Variants in HIVEP1 observed in about 807,000 individuals in gnomAD.
HIVEP1 encodes the protein zinc finger protein 40.
In HIVEP1, 36 loss-of-function variants were observed where a neutral mutation model predicts 180.0. The observed-to-expected ratio is 0.20, with a 90% CI of 0.15 to 0.26. HIVEP1 has a LOEUF of 0.26. Ranked by LOEUF, HIVEP1 falls within the 10% of genes least tolerant of loss-of-function variation. HIVEP1 has a pLI of 1.00. For synonymous variants in HIVEP1, 1,239 were observed against 1,239.0 expected (o/e 1.00, Z 0.00); for missense variants, 3,143 against 3,268.7 (o/e 0.96, Z 0.94).
chr6:12,128,270 G>A (rs955608855), intron 4 of HIVEP1, among the ~76,000 whole-genome samples: 1 of 152,194 alleles, frequency 6.6e-6, no homozygotes, highest in Non-Finnish European at 1.5e-5. Context: ...GAGAAGGAAA[G>A]GTTGCATCAG....
intron 2 of HIVEP1, among the ~76,000 whole-genome samples, chr6:12,028,801 C>T (rs1475558210): frequency 2.0e-5 from 3 of 152,216 alleles, no homozygotes; most frequent in Non-Finnish European, 4.4e-5. Flanking sequence ...ACCTTTACCA[C>T]AGTCCAGTTT....
chr6:12,142,426 A>C (rs568663468), intron 7 of HIVEP1, among the ~76,000 whole-genome samples: 2 of 152,342 alleles, frequency 1.3e-5, no homozygotes, highest in African/African-American at 4.8e-5. Context: ...CCCACAAGAG[A>C]AAGCAGGAAA....
downstream of HIVEP1, among the ~76,000 whole-genome samples, chr6:12,165,344 T>G (rs1760672988): frequency 6.6e-6 from 1 of 152,182 alleles, no homozygotes. Context: ...CCATTGTCCT[T>G]AGAATTTGGC....
chr6:12,188,802 A>G, the HIVEP1 span, among the ~76,000 whole-genome samples: 17 of 152,054 alleles, frequency 1.1e-4, no homozygotes, highest in Non-Finnish European at 1.9e-4. Flanking sequence ...TGTGATCTCA[A>G]TAAAAATACC....
intron 3 of HIVEP1, among the ~76,000 whole-genome samples, chr6:12,103,556 A>AT (rs1774234886): frequency 6.6e-6 from 1 of 151,266 alleles, no homozygotes; most frequent in Non-Finnish European, 1.5e-5. Context: ...ACACATGGAG[A>AT]CTTACTATTT....
chr6:12,064,897 G>T (rs1017877711), intron 2 of HIVEP1, among the ~76,000 whole-genome samples: 3 of 152,156 alleles, frequency 2.0e-5, no homozygotes, highest in Non-Finnish European at 4.4e-5. Flanking sequence ...TTTTCAGTAT[G>T]TTCTTTCCCT....
At chr6:12,205,000 C>G in the HIVEP1 span, among the ~76,000 whole-genome samples, 6 of 152,112 alleles carry the variant, frequency 3.9e-5, no homozygotes, top group Non-Finnish European at 1.5e-5. Context: ...TGCAAAGGCA[C>G]TGGGGCAGAG....
chr6:12,189,539 C>T, the HIVEP1 span, among the ~76,000 whole-genome samples: 9 of 152,156 alleles, frequency 5.9e-5, no homozygotes, highest in African/African-American at 1.9e-4. Flanking sequence ...TGTTCTACCT[C>T]ATTCATAAGT....
chr6:12,167,958 A>C (rs1329652913), downstream of HIVEP1, among the ~76,000 whole-genome samples: 15 of 48,514 alleles, frequency 3.1e-4, no homozygotes, highest in East Asian at 2.3e-3. Context: ...ACATGTATAT[A>C]TGTATATATT....
upstream of HIVEP1, among the ~76,000 whole-genome samples, chr6:12,011,638 G>C (rs895418585): frequency 1.9e-4 from 28 of 149,000 alleles, 1 homozygote; most frequent in South Asian, 5.7e-3. Flanking sequence ...GGCTCGGCCG[G>C]GCGGGGCGGG....
rs1246215779 is a variant in HIVEP1 at position 12,125,755 on chromosome 6, C to A, written c.5960C>A (p.Ala1987Asp). ...PLGLPTKVAL[A>D]LLNSKQNTGK... ...GGTTTGCCCACAAAAGTTGCACTTG[C>A]TCTCCTTAATTCAAAACAGAACACT... Residue 1987 changes from alanine (A) to aspartate (D), a missense_variant, in exon 4 of 9, where the codon GCT (alanine) becomes GAT (aspartate). This residue lies in a region of HIVEP1 where 1,357 missense variants were observed against 1,260.5 expected (regional missense o/e 1.08). Transcript: ENST00000379388. 2 of 1,614,054 alleles carry A rather than the reference C, an allele frequency of 1.2e-6. No individual in the cohort carries two copies. The highest frequency in any genetic ancestry group is 2.2e-5 in the South Asian group (2 of 91,074).
At chr6:12,167,640 C>T (rs867736232), downstream of HIVEP1, among the ~76,000 whole-genome samples, 10 of 95,756 alleles carry the variant, frequency 1.0e-4, 1 homozygote, top group African/African-American at 2.6e-4. Flanking sequence ...GTTATATATA[C>T]ATATACATAT....
At chr6:12,043,222 C>T (rs996153091) in intron 2 of HIVEP1, among the ~76,000 whole-genome samples, 18 of 152,046 alleles carry the variant, frequency 1.2e-4, no homozygotes, top group African/African-American at 4.1e-4. Context: ...ACTTTTGATT[C>T]TCAAGTCTCT....
chr6:12,065,627 C>T (rs552480886), intron 2 of HIVEP1, among the ~76,000 whole-genome samples: 2 of 152,056 alleles, frequency 1.3e-5, no homozygotes, highest in African/African-American at 4.8e-5. Context: ...GTTTGCTCCT[C>T]TGGAAAATGG....
chr6:12,180,158 C>G, the HIVEP1 span, among the ~76,000 whole-genome samples: 4 of 152,086 alleles, frequency 2.6e-5, no homozygotes, highest in Non-Finnish European at 5.9e-5. Context: ...GGTTGGCACT[C>G]TTTTTCAGTT....
In HIVEP1 at chr6:12,123,292, A is replaced by G; in HGVS notation, c.3497A>G (p.Asn1166Ser). The change falls in exon 4 of 9, where the codon AAT becomes AGT. Residue 1166 changes from asparagine (N) to serine (S), a missense_variant. Asn to Ser is a conservative substitution (Grantham distance 46). Coordinates refer to ENST00000379388, the MANE Select transcript of HIVEP1 (RefSeq NM_002114.4). ...RASPVSFQEL[N>S]RTGKSGSLKV... ...TCCCCAGTTTCTTTCCAGGAGCTGAATAGAACGGGGAAGTCCGGGTCTCTA... is the reference window on the plus strand; with the variant it reads ...TCCCCAGTTTCTTTCCAGGAGCTGAGTAGAACGGGGAAGTCCGGGTCTCTA... 1.2e-6 allele frequency: 2 copies of G among 1,614,202 alleles called. No individual in the cohort carries two copies. Among genetic ancestry groups the G allele is most frequent in the Non-Finnish European group, 1.7e-6 (2 of 1,180,030 alleles).
At chr6:12,168,171 CTA>C (rs1405418389), downstream of HIVEP1, among the ~76,000 whole-genome samples, 2 of 58,328 alleles carry the variant, frequency 3.4e-5, no homozygotes, top group African/African-American at 6.4e-5. Context: ...ACGTGTATAT[CTA>C]TATTATATAT....
chr6:12,017,497 A>G (rs1284249388), intron 2 of HIVEP1, among the ~76,000 whole-genome samples: 1 of 152,240 alleles, frequency 6.6e-6, no homozygotes. Flanking sequence ...GAGCACAACA[A>G]CAAAGCTTCC....
chr6:12,164,121 T>C lies in HIVEP1; in HGVS notation c.7817T>C (p.Val2606Ala). Reference protein sequence around the residue: ...RTESPQGLPTVQRENAKKVLN... With the variant: ...RTESPQGLPTAQRENAKKVLN... ...GAGTCTCCTCAGGGGTTACCTACAG[T>C]CCAGCGGGAAAATGCAAAAAAAGTT... The change falls in exon 9 of 9, where the codon GTC (valine) becomes GCC (alanine). Residue 2606 changes from valine (V) to alanine (A), a missense_variant. Val to Ala is a moderately conservative substitution (Grantham distance 64, BLOSUM62 0). Coordinates refer to ENST00000379388, the MANE Select transcript of HIVEP1 (RefSeq NM_002114.4). 1 of 1,614,060 alleles carries C rather than the reference T, an allele frequency of 6.2e-7. No individual in the cohort carries two copies. The highest frequency in any genetic ancestry group is 8.5e-7 in the Non-Finnish European group (1 of 1,180,006).
Sources: allele counts gnomAD v4.1 joint callset (sites outside exome capture counted in the v4.1 genomes callset), GRCh38; gene constraint gnomAD v4.1.1; regional missense constraint gnomAD v4.1.1; transcripts MANE v1.5; gene names NCBI Gene and HGNC (gene_info 2026-07-23, HGNC 2026-07-21).